TBX5: variants seen among roughly 807,000 people sequenced by gnomAD.
TBX5 encodes the protein T-box transcription factor TBX5.
In TBX5, 8 loss-of-function variants were observed where a neutral mutation model predicts 51.1. That is an observed-to-expected ratio of 0.16 (90% CI 0.09 to 0.28). TBX5 has a LOEUF of 0.28. Among genes scored for constraint, TBX5 ranks in the 10% least tolerant of loss-of-function variants. The pLI, the probability that TBX5 is intolerant of heterozygous loss-of-function variation, is 1.00. For missense variants in TBX5, 589 were observed against 671.7 expected (o/e 0.88, Z 1.36); for synonymous variants, 302 against 266.4 (o/e 1.13, Z -1.30).
In TBX5 at chr12:114,379,703, G is replaced by A. The variant is rs61930998; in HGVS notation, c.755+5773C>T. Among the ~76,000 whole-genome samples the A allele has an allele frequency of 9.4e-3, 1,439 of 152,306 alleles. 8 individuals are homozygous for A. The highest frequency in any genetic ancestry group is 0.017 in the Middle Eastern group (5 of 294). ...GAAAAGCCCTGGAGCTGCTCAGCGC[G>A]GCAGCCTGGACCCCAGCTCCTGGGC... is the stretch of plus-strand genomic sequence containing the variant. On this transcript the variant is annotated intron_variant, in intron 7 of 8. Transcript: ENST00000405440.
intron 8 of TBX5, among the ~76,000 whole-genome samples, chr12:114,361,967 C>T (rs192784853): frequency 6.2e-4 from 95 of 152,152 alleles, no homozygotes; most frequent in African/African-American, 2.0e-3. Flanking sequence ...ACCCTGAGCC[C>T]ACAGGCCTCA....
At chr12:114,363,306 T>A (rs368089632) in intron 8 of TBX5, among the ~76,000 whole-genome samples, 1 of 152,166 alleles carries the variant, frequency 6.6e-6, no homozygotes, top group South Asian at 2.1e-4. Context: ...CCACTCCAAG[T>A]TGATTTTAAG....
intron 8 of TBX5, among the ~76,000 whole-genome samples, chr12:114,365,361 AC>A (rs955567457): frequency 2.0e-5 from 3 of 152,162 alleles, no homozygotes; most frequent in Non-Finnish European, 1.5e-5. Context: ...AGAGGGAGTG[AC>A]AAAATAAACT....
In TBX5 at chr12:114,405,995, T is replaced by G; in HGVS notation, c.-406A>C. ...AAGCCCAGTGAATGGTCGAAGTCCT[T>G]TCTGAGCGCAGCTTTCAGGATTAAA... On this transcript the variant is annotated 5_prime_UTR_variant, in exon 1 of 9. Transcript: ENST00000405440. 1 of 985,422 alleles carries G rather than the reference T, an allele frequency of 1.0e-6. No homozygotes were observed. Among genetic ancestry groups the G allele is most frequent in the Non-Finnish European group, 1.2e-6 (1 of 829,944 alleles). The allele number at this position is 985,422 out of a possible 1,614,324, so 61.0% of individuals were successfully genotyped here.
At chr12:114,359,278 C>A (rs775594254) in intron 8 of TBX5, among the ~76,000 whole-genome samples, 1 of 152,166 alleles carries the variant, frequency 6.6e-6, no homozygotes. Context: ...TAAAGAAATT[C>A]CAACTCAAGG....
At chr12:114,404,550 A>G (rs1032227294) in intron 1 of TBX5, among the ~76,000 whole-genome samples, 3 of 152,202 alleles carry the variant, frequency 2.0e-5, no homozygotes, top group Admixed American at 2.0e-4. Flanking sequence ...ACCTTTTACC[A>G]GTTACAGGCC....
intron 5 of TBX5, among the ~76,000 whole-genome samples, chr12:114,396,277 G>A (rs1871423982): frequency 6.6e-6 from 1 of 151,876 alleles, no homozygotes; most frequent in Non-Finnish European, 1.5e-5. Context: ...GACCGGGGCG[G>A]CGTGGCGACA....
intron 6 of TBX5, among the ~76,000 whole-genome samples, chr12:114,392,187 A>C (rs2136406716): frequency 6.6e-6 from 1 of 152,066 alleles, no homozygotes; most frequent in African/African-American, 2.4e-5. Context: ...CTAAAAAAAA[A>C]AAAAAAAAAA....
chr12:114,373,614 A>C (rs982474959), intron 7 of TBX5, among the ~76,000 whole-genome samples: 2 of 152,136 alleles, frequency 1.3e-5, no homozygotes, highest in Non-Finnish European at 1.5e-5. Context: ...ACCCACCATC[A>C]TGCCCAGCTA....
In TBX5 at chr12:114,364,438, C is replaced by T. The variant is rs539571386; in HGVS notation, c.982+1727G>A. On this transcript the variant is annotated intron_variant, in intron 8 of 8. Coordinates refer to ENST00000405440, the MANE Select transcript of TBX5 (RefSeq NM_181486.4). ...TCTGCACCAAGCCTATGAGACAAGTCGTACCCTGAGCCCATATTTACAGAT... is the reference window on the plus strand; with the variant it reads ...TCTGCACCAAGCCTATGAGACAAGTTGTACCCTGAGCCCATATTTACAGAT... Among the ~76,000 whole-genome samples, 9 of 152,286 alleles carry T rather than the reference C, an allele frequency of 5.9e-5. No homozygotes were observed. The South Asian group carries it at 1.2e-3, about 21-fold the overall frequency.
At chr12:114,404,052 C>G in intron 1 of TBX5, 116 bp from the exon 2 acceptor site, 3 of 1,063,824 alleles carry the variant, frequency 2.8e-6, no homozygotes, top group South Asian at 1.4e-5. Context: ...CAGTTTCCAG[C>G]TACCAGCACC....
chr12:114,359,379 C>T (rs2136364478), intron 8 of TBX5, among the ~76,000 whole-genome samples: 1 of 152,158 alleles, frequency 6.6e-6, no homozygotes, highest in East Asian at 1.9e-4. Flanking sequence ...TTTTTCTCTT[C>T]TTTGAGAGCC....
intron 7 of TBX5, among the ~76,000 whole-genome samples, chr12:114,368,920 A>C (rs1049318953): frequency 6.6e-6 from 1 of 152,168 alleles, no homozygotes; most frequent in Admixed American, 6.5e-5. Flanking sequence ...CGCACCAGTC[A>C]GAATCTCCCC....
rs1412151452 is a variant in TBX5, at chr12:114,385,458, AG to A, written c.755+17del. ...GGGGTATGTGGGGAGGAGAAAGTTG[AG>A]GAATCCACTTTCCTACCTTTGCATT... On this transcript the variant is annotated intron_variant, in intron 7 of 8. Transcript: ENST00000405440. 6 of 1,612,346 alleles carry A rather than the reference AG, an allele frequency of 3.7e-6. No homozygotes were observed. The highest frequency in any genetic ancestry group is 5.1e-6 in the Non-Finnish European group (6 of 1,178,492).
intron 8 of TBX5, 198 bp downstream of exon 8, chr12:114,365,967 C>A (rs1869505849): frequency 3.0e-6 from 2 of 675,398 alleles, no homozygotes; most frequent in African/African-American, 3.6e-5. Context: ...GGGGCTGGAA[C>A]TGGGGGTAGG....
At chr12:114,397,551 T>C (rs1174619310) in intron 5 of TBX5, among the ~76,000 whole-genome samples, 1 of 152,244 alleles carries the variant, frequency 6.6e-6, no homozygotes, top group African/African-American at 2.4e-5. Context: ...CAGTGTTTTG[T>C]GTTTTGTTTT....
chr12:114,376,356 AC>A (rs1278698990), intron 7 of TBX5, among the ~76,000 whole-genome samples: 1 of 152,188 alleles, frequency 6.6e-6, no homozygotes, highest in Non-Finnish European at 1.5e-5. Flanking sequence ...ACATGAATGA[AC>A]CTGGAGGACA....
rs879414881 is a variant in TBX5, at chr12:114,398,959, C to CA, written c.363-240dup. 5.9e-5 allele frequency among the ~76,000 whole-genome samples: 9 copies of CA among 152,090 alleles called. No homozygotes were observed. In the South Asian group the frequency reaches 8.3e-4, roughly 14 times the overall value. ...TCTTCTTACAGCCTCTCGCATCCCA[C>CA]AAAAAAGTGGCGGGTTCTGGAGGTC... is the stretch of plus-strand genomic sequence containing the variant. On this transcript the variant is annotated intron_variant, in intron 4 of 8. Coordinates refer to ENST00000405440, the MANE Select transcript of TBX5 (RefSeq NM_181486.4).
At chr12:114,399,738 G>A in intron 3 of TBX5, 106 bp from the exon 4 acceptor site, 3 of 1,574,756 alleles carry the variant, frequency 1.9e-6, no homozygotes, top group Non-Finnish European at 2.6e-6. Context: ...GAGAAACGTG[G>A]AAGCGGAAAC....
Sources: gnomAD v4.1 joint callset for allele counts (sites outside exome capture counted in the v4.1 genomes callset) on GRCh38, gnomAD v4.1.1 for gene constraint, MANE v1.5 for transcripts, NCBI Gene and HGNC (gene_info 2026-07-23, HGNC 2026-07-21) for gene names.